Variants in PRR14L observed in about 807,000 individuals in gnomAD.
PRR14L encodes the protein proline rich 14 like, also known as protein PRR14L.
In PRR14L, 80 loss-of-function variants were observed where a neutral mutation model predicts 155.0. The ratio of observed to expected loss-of-function variants is 0.52; its 90% CI spans 0.43 to 0.62. PRR14L has a LOEUF of 0.62. PRR14L is among the 20% of genes least tolerant of loss of function. The pLI, the probability that PRR14L is intolerant of heterozygous loss-of-function variation, is 0.00. For synonymous variants in PRR14L, 883 were observed against 916.0 expected, an observed-to-expected ratio of 0.96 and a Z score of 0.65; for missense variants, 2,469 against 2,548.0, an observed-to-expected ratio of 0.97 and a Z score of 0.67.
chr22:31,722,430 A>G (rs534481503), intron 3 of PRR14L, among the ~76,000 whole-genome samples: 2,230 of 151,364 alleles, frequency 0.015, 58 homozygotes, highest in African/African-American at 0.052. Flanking sequence ...AAAAAAAAAA[A>G]AAAGAAAGAA....
chr22:31,708,710 G>A (rs529811568), intron 4 of PRR14L, among the ~76,000 whole-genome samples: 2 of 152,150 alleles, frequency 1.3e-5, no homozygotes, highest in African/African-American at 2.4e-5. Context: ...GCACGATCTC[G>A]GCTCAGTGCA....
intron 7 of PRR14L, 112 bp downstream of exon 7, chr22:31,701,544 C>A: frequency 1.7e-6 from 1 of 600,396 alleles, no homozygotes; most frequent in South Asian, 2.4e-5. Flanking sequence ...AGGATAAATT[C>A]CTAGAAATGT....
At chr22:31,693,230 C>T (rs2074519941) in intron 7 of PRR14L, among the ~76,000 whole-genome samples, 1 of 152,306 alleles carries the variant, frequency 6.6e-6, no homozygotes, top group African/African-American at 2.4e-5. Context: ...CCTACATACC[C>T]TCTGTGCTCC....
At chr22:31,690,525 C>T (rs953665274) in intron 7 of PRR14L, among the ~76,000 whole-genome samples, 2 of 152,100 alleles carry the variant, frequency 1.3e-5, no homozygotes, top group African/African-American at 2.4e-5. Flanking sequence ...CGCTCTCTTG[C>T]CCAGGTTAAA....
intron 7 of PRR14L, among the ~76,000 whole-genome samples, chr22:31,695,685 A>T (rs772102620): frequency 6.6e-6 from 1 of 152,010 alleles, no homozygotes; most frequent in Non-Finnish European, 1.5e-5. Context: ...TATCTTGTCT[A>T]TGCTTGAGAA....
At chr22:31,702,820 AT>A (rs113096940) in intron 6 of PRR14L, among the ~76,000 whole-genome samples, 4 of 115,992 alleles carry the variant, frequency 3.4e-5, no homozygotes, top group Non-Finnish European at 3.7e-5. Context: ...CCGGCCTTTT[AT>A]TTTTTTTTTA....
intron 7 of PRR14L, among the ~76,000 whole-genome samples, chr22:31,700,465 T>C (rs896648849): frequency 2.6e-5 from 4 of 152,232 alleles, no homozygotes; most frequent in African/African-American, 9.6e-5. Context: ...AAGTGGAACA[T>C]CAATCATGAC....
intron 7 of PRR14L, among the ~76,000 whole-genome samples, chr22:31,700,176 G>A (rs2074555790): frequency 6.6e-6 from 1 of 151,974 alleles, no homozygotes; most frequent in Non-Finnish European, 1.5e-5. Context: ...TGATTTTTTG[G>A]CATATAACTT....
At chr22:31,718,429 T>C (rs1192904774) in intron 3 of PRR14L, among the ~76,000 whole-genome samples, 1 of 151,884 alleles carries the variant, frequency 6.6e-6, no homozygotes, top group African/African-American at 2.4e-5. Flanking sequence ...CTAATTTCTT[T>C]TTGTATTTTT....
chr22:31,712,486 G>A lies in PRR14L; in HGVS notation c.5353C>T (p.His1785Tyr), dbSNP rs1601503047. The A allele has an allele frequency of 2.6e-6, 4 of 1,552,344 alleles. No homozygotes were observed. The highest frequency in any genetic ancestry group is 2.4e-5 in the South Asian group (2 of 84,276). The change falls in exon 4 of 9, where the codon CAT becomes TAT. Residue 1785 changes from histidine to tyrosine, a missense_variant. Around this residue, in one of 2 missense-constraint regions of PRR14L, gnomAD observed 2,363 missense variants for 2,371.6 expected, o/e 1.00. Coordinates refer to ENST00000327423, the MANE Select transcript of PRR14L (RefSeq NM_173566.3). ...GGAGCCTGAGTGTGGGTCTGACTAT[G>A]GACGCCAGTGTCTTCCCTGAATGTT... The part of the protein sequence containing the change: ...MATFREDTGV[H>Y]SQTHTQAPPQ...
intron 2 of PRR14L, among the ~76,000 whole-genome samples, chr22:31,732,036 A>C (rs1187322509): frequency 4.6e-5 from 7 of 152,118 alleles, no homozygotes; most frequent in Non-Finnish European, 7.4e-5. Context: ...AGTTTCTCCT[A>C]CCCTTTCTAT....
rs904625485 is a variant in PRR14L at position 31,701,645 on chromosome 22, A to G, written c.6107+11T>C. On this transcript the variant is annotated intron_variant, in intron 7 of 8. Transcript: ENST00000327423. ...AAAGTGAACCTAGCTTGTAACAGAG[A>G]AGGAGCTCACCTTTTGGGTCGAGGA... 14 of 1,572,390 alleles carry G rather than the reference A, an allele frequency of 8.9e-6. No individual in the cohort carries two copies. Among genetic ancestry groups the G allele is most frequent in the Non-Finnish European group, 1.2e-5 (14 of 1,152,494 alleles).
chr22:31,700,732 T>G (rs1355278842), intron 7 of PRR14L, among the ~76,000 whole-genome samples: 2 of 152,062 alleles, frequency 1.3e-5, no homozygotes, highest in Admixed American at 6.6e-5. Context: ...TATTTTGCAG[T>G]TTTAGTAGAG....
intron 1 of PRR14L, among the ~76,000 whole-genome samples, chr22:31,749,418 C>T (rs548279307): frequency 1.3e-5 from 2 of 152,264 alleles, no homozygotes; most frequent in East Asian, 3.9e-4. Flanking sequence ...AGGTCTTCCT[C>T]TCCGTATCTT....
intron 3 of PRR14L, among the ~76,000 whole-genome samples, chr22:31,717,814 A>G (rs1299444033): frequency 1.3e-5 from 2 of 152,116 alleles, no homozygotes; most frequent in African/African-American, 4.8e-5. Context: ...ATGCTGGAGT[A>G]CAGTAGTGCG....
In PRR14L at chr22:31,712,381, G is replaced by C; in HGVS notation, c.5458C>G (p.Leu1820Val). The change falls in exon 4 of 9, where the codon CTT (leucine) becomes GTT (valine). Residue 1820 changes from leucine (L) to valine (V), a missense_variant. Transcript: ENST00000327423. ...GAACAAAGTGCTAGAAGTGTGTGAA[G>C]GCCAAGGACAGAGCAGTCTGCTCTG... ...QTRADCSVLGLHTLLALCSPG... is the reference protein window; with the variant it reads ...QTRADCSVLGVHTLLALCSPG... The C allele has an allele frequency of 6.2e-7, 1 of 1,609,500 alleles. No individual in the cohort carries two copies. The highest frequency in any genetic ancestry group is 8.5e-7 in the Non-Finnish European group (1 of 1,177,616).
rs2147848870 is a variant in PRR14L at position 31,683,560 on chromosome 22, G to A, written c.*1967C>T. ...TGGGCAAAGTGGATGTAGAATGACA[G>A]AATCTGGTTAGCATCATTCAGAGCT... On this transcript the variant is annotated 3_prime_UTR_variant, in exon 9 of 9. Transcript: ENST00000327423. The A allele has an allele frequency of 6.6e-6, 1 of 152,416 alleles. No individual in the cohort carries two copies. The highest frequency in any genetic ancestry group is 2.1e-4 in the South Asian group (1 of 4,822). The allele number at this position is 152,416 out of a possible 1,614,324, so 9.4% of individuals were successfully genotyped here. A position where few individuals can be genotyped will look rare whatever the true frequency, so the allele number is the denominator to read the frequency against.
chr22:31,729,383 T>C (rs532301160), intron 2 of PRR14L, among the ~76,000 whole-genome samples: 2 of 151,918 alleles, frequency 1.3e-5, no homozygotes, highest in East Asian at 3.9e-4. Flanking sequence ...GGCTAATTTT[T>C]TGTGTGTGTA....
At chr22:31,726,459 G>T (rs1304723353) in intron 2 of PRR14L, among the ~76,000 whole-genome samples, 1 of 151,982 alleles carries the variant, frequency 6.6e-6, no homozygotes, top group Non-Finnish European at 1.5e-5. Flanking sequence ...TAGAGACAGG[G>T]TTTCACCATG....
Sources: allele counts gnomAD v4.1 joint callset (sites outside exome capture counted in the v4.1 genomes callset), GRCh38; gene constraint gnomAD v4.1.1; regional missense constraint gnomAD v4.1.1; transcripts MANE v1.5; gene names NCBI Gene and HGNC (gene_info 2026-07-23, HGNC 2026-07-21).